NELL1: variants seen among roughly 807,000 people sequenced by gnomAD.
NELL1 encodes neural EGFL like 1.
A neutral mutation model predicts 107.4 loss-of-function variants in NELL1; 76 were observed. That is an observed-to-expected ratio of 0.71 (90% CI 0.59 to 0.86). The LOEUF (loss-of-function observed/expected upper bound fraction) is 0.86, where lower values mean the gene tolerates loss of function less well. Among genes scored for constraint, NELL1 ranks in the 40% least tolerant of loss-of-function variants. The probability of loss-of-function intolerance (pLI) is 0.00; values close to 1 mark genes in which losing one functional copy is unlikely to be tolerated. For missense variants in NELL1, 1,024 were observed against 1,005.5 expected (o/e 1.02, Z -0.25); for synonymous variants, 353 against 341.2 (o/e 1.03, Z -0.38).
At chr11:21,162,039 C>T (rs1440968949) in intron 13 of NELL1, among the ~76,000 whole-genome samples, 1 of 150,104 alleles carries the variant, frequency 6.7e-6, no homozygotes, top group Non-Finnish European at 1.5e-5. Context: ...CACCCTCCAC[C>T]TCCCAGGTTC....
At chr11:21,507,094 C>T (rs1475252263) in intron 15 of NELL1, among the ~76,000 whole-genome samples, 1 of 152,144 alleles carries the variant, frequency 6.6e-6, no homozygotes, top group Non-Finnish European at 1.5e-5. Flanking sequence ...TAGAAACTTG[C>T]TCAAGATCAC....
intron 14 of NELL1, among the ~76,000 whole-genome samples, chr11:21,266,644 A>G (rs1329534084): frequency 6.6e-6 from 1 of 151,936 alleles, no homozygotes; most frequent in Non-Finnish European, 1.5e-5. Flanking sequence ...TTCTTTTGAC[A>G]GTTTAAATAT....
intron 12 of NELL1, among the ~76,000 whole-genome samples, chr11:21,088,488 T>G (rs1485658852): frequency 6.6e-6 from 1 of 152,192 alleles, no homozygotes; most frequent in Non-Finnish European, 1.5e-5. Context: ...ATGTCCTTTC[T>G]ATCACCACAT....
At chr11:21,277,414 G>T (rs557502555) in intron 14 of NELL1, among the ~76,000 whole-genome samples, 1 of 151,466 alleles carries the variant, frequency 6.6e-6, no homozygotes, top group African/African-American at 2.4e-5. Context: ...TGCTGGAGAG[G>T]ATGTGGAGAA....
chr11:20,919,438 C>A, intron 7 of NELL1, 104 bp downstream of exon 7: 1 of 650,652 alleles, frequency 1.5e-6, no homozygotes. Context: ...TCGGCATCTG[C>A]TATATGTTAC....
chr11:20,940,829 A>AT (rs1850837024), intron 10 of NELL1, among the ~76,000 whole-genome samples: 1 of 152,024 alleles, frequency 6.6e-6, no homozygotes, highest in Admixed American at 6.5e-5. Flanking sequence ...TTGTGATATA[A>AT]TTTTCTACTT....
chr11:21,337,791 T>G (rs7481972), intron 14 of NELL1, among the ~76,000 whole-genome samples: 220 of 109,410 alleles, frequency 2.0e-3, no homozygotes, highest in Middle Eastern at 8.7e-3. Context: ...TTTCTTTCTT[T>G]CTTTCCTTCT....
intron 12 of NELL1, among the ~76,000 whole-genome samples, chr11:21,009,717 A>C (rs1451970145): frequency 1.3e-5 from 2 of 152,142 alleles, no homozygotes; most frequent in African/African-American, 4.8e-5. Flanking sequence ...ATGTCAATTC[A>C]GTAATTTACA....
intron 16 of NELL1, among the ~76,000 whole-genome samples, chr11:21,544,732 C>A (rs1411764815): frequency 1.3e-5 from 2 of 151,850 alleles, no homozygotes; most frequent in South Asian, 2.1e-4. Context: ...GTCATATAAC[C>A]CTTTCCTCTC....
intron 14 of NELL1, among the ~76,000 whole-genome samples, chr11:21,310,583 C>T (rs1478962048): frequency 2.0e-5 from 3 of 151,904 alleles, no homozygotes; most frequent in Non-Finnish European, 4.4e-5. Flanking sequence ...CAAGGAAGGC[C>T]ATCATGAGGA....
At chr11:21,182,287 A>G (rs1856844564) in intron 13 of NELL1, among the ~76,000 whole-genome samples, 1 of 151,736 alleles carries the variant, frequency 6.6e-6, no homozygotes, top group Admixed American at 6.6e-5. Context: ...TACAAAAATT[A>G]GCCGGATGTG....
At chr11:21,208,948 G>T (rs2133857763) in intron 13 of NELL1, among the ~76,000 whole-genome samples, 1 of 152,226 alleles carries the variant, frequency 6.6e-6, no homozygotes, top group East Asian at 1.9e-4. Context: ...GCTTAGCAGA[G>T]AATCAGCAGG....
chr11:21,191,935 T>C (rs1027031041), intron 13 of NELL1, among the ~76,000 whole-genome samples: 1 of 151,944 alleles, frequency 6.6e-6, no homozygotes, highest in Non-Finnish European at 1.5e-5. Context: ...CCAAATGGAC[T>C]TATTAGATAA....
At chr11:21,139,487 T>C (rs1226341698) in intron 13 of NELL1, among the ~76,000 whole-genome samples, 1 of 152,190 alleles carries the variant, frequency 6.6e-6, no homozygotes, top group Admixed American at 6.5e-5. Context: ...CTGTTAGTTT[T>C]CCCTTCTTAC....
chr11:20,864,141 G>GGA (rs1849050929), intron 4 of NELL1, among the ~76,000 whole-genome samples: 1 of 151,582 alleles, frequency 6.6e-6, no homozygotes, highest in Non-Finnish European at 1.5e-5. Context: ...GAGAGGGAGA[G>GGA]AATTTTTTTA....
At chr11:21,324,751 C>G (rs986357858) in intron 14 of NELL1, among the ~76,000 whole-genome samples, 38 of 152,188 alleles carry the variant, frequency 2.5e-4, no homozygotes, top group African/African-American at 7.9e-4. Flanking sequence ...TATGATTGTT[C>G]TCTCTTCATT....
chr11:21,109,186 A>ATG lies in NELL1; in HGVS notation c.1301-4402_1301-4401insGT, dbSNP rs1306823943. Among the ~76,000 whole-genome samples the ATG allele has an allele frequency of 2.0e-5, 3 of 152,044 alleles. No homozygotes were observed. In the South Asian group the frequency reaches 6.2e-4, roughly 32 times the overall value. ...AAGGATGAGATGCTCCATATAAAGTATCTAGCATAGTGTCTGATACCTAAA... is the reference window on the plus strand; with the variant it reads ...AAGGATGAGATGCTCCATATAAAGTATGTCTAGCATAGTGTCTGATACCTAAA... On this transcript the variant is annotated intron_variant, in intron 12 of 19. Transcript: ENST00000357134.
Position 21,491,565 on chromosome 11 carries a change from T to G in NELL1, c.1646-42809T>G, listed in dbSNP as rs1854813876. Among the ~76,000 whole-genome samples the G allele has an allele frequency of 2.0e-5, 3 of 152,160 alleles. No homozygotes were observed. The South Asian group carries it at 6.2e-4, about 31-fold the overall frequency. On this transcript the variant is annotated intron_variant, in intron 15 of 19. Coordinates refer to ENST00000357134, the MANE Select transcript of NELL1 (RefSeq NM_006157.5). ...CTGTTCCATTGATCTATATCTCTGT[T>G]TTGGTACCAGTACCATGCTGTTTGG...
intron 12 of NELL1, among the ~76,000 whole-genome samples, chr11:21,018,433 A>T (rs1239516934): frequency 6.6e-6 from 1 of 152,060 alleles, no homozygotes; most frequent in Non-Finnish European, 1.5e-5. Context: ...GGGCACGAAG[A>T]GTGATCTGTT....
Sources: gnomAD v4.1 joint callset for allele counts (sites outside exome capture counted in the v4.1 genomes callset) on GRCh38, gnomAD v4.1.1 for gene constraint, MANE v1.5 for transcripts, NCBI Gene and HGNC (gene_info 2026-07-23, HGNC 2026-07-21) for gene names.